LRWD1: variants seen among roughly 807,000 people sequenced by gnomAD.
The protein encoded by LRWD1 is leucine rich repeats and WD repeat domain containing 1.
In LRWD1, 76 loss-of-function variants were observed where a neutral mutation model predicts 75.6. That is an observed-to-expected ratio of 1.01 (90% CI 0.84 to 1.22). LRWD1 has a LOEUF of 1.22. Among genes scored for constraint, LRWD1 ranks in the 50% most tolerant of loss-of-function variants. The probability of loss-of-function intolerance (pLI) is 0.00; values close to 1 mark genes in which losing one functional copy is unlikely to be tolerated. For synonymous variants in LRWD1, 487 were observed against 377.0 expected (o/e 1.29, Z -3.38); for missense variants, 917 against 862.0 (o/e 1.06, Z -0.80).
Position 102,466,164 on chromosome 7 carries a change from ACCTGAAAGTCT to A in LRWD1, c.330_340del (p.Lys111SerfsTer7). ...CCCTCTCTTCCCCAGGTCAATGACA[ACCTGAAAGTCT>A]CCTTTCTCCTGCCCACGCTCCGTAA... On this transcript the variant is annotated frameshift_variant, in exon 3 of 15. Coordinates refer to ENST00000292616, the MANE Select transcript of LRWD1 (RefSeq NM_152892.3). LOFTEE classifies it high-confidence loss of function. The A allele has an allele frequency of 6.2e-7, 1 of 1,614,158 alleles. No homozygotes were observed. Among genetic ancestry groups the A allele is most frequent in the Non-Finnish European group, 8.5e-7 (1 of 1,180,012 alleles).
At chr7:102,469,462 C>T in intron 9 of LRWD1, 112 bp from the exon 10 acceptor site, 1 of 1,260,624 alleles carries the variant, frequency 7.9e-7, no homozygotes, top group Non-Finnish European at 1.1e-6. Flanking sequence ...GCCCGCCCTC[C>T]CCGCCTCGGA....
chr7:102,472,447 C>A lies in LRWD1; in HGVS notation c.1535-7C>A. ...CACCCTGCACAGCTCTCCCTTCTCCCCCACAGCCTCCAAGGGGAGCGGCCT... is the reference window on the plus strand; with the variant it reads ...CACCCTGCACAGCTCTCCCTTCTCCACCACAGCCTCCAAGGGGAGCGGCCT... On this transcript the variant is annotated splice_region_variant and splice_polypyrimidine_tract_variant and intron_variant, in intron 12 of 14. Coordinates refer to ENST00000292616, the MANE Select transcript of LRWD1 (RefSeq NM_152892.3). 6.5e-7 allele frequency: 1 copy of A among 1,536,044 alleles called. No homozygotes were observed. Among genetic ancestry groups the A allele is most frequent in the Non-Finnish European group, 8.8e-7 (1 of 1,138,190 alleles).
At position 102,469,551 on chromosome 7, in the gene LRWD1, C is replaced by G. The variant is rs769908005; in HGVS notation, c.1229-23C>G. The G allele has an allele frequency of 8.1e-6, 13 of 1,613,578 alleles. No homozygotes were observed. In the African/African-American group the frequency reaches 1.1e-4, roughly 13 times the overall value. ...GCAGGGTCATCTCAGGGCCACTTCT[C>G]CCCTACCCCACCCCCTCTTCAGCGG... On this transcript the variant is annotated intron_variant, in intron 9 of 14. Coordinates refer to ENST00000292616, the MANE Select transcript of LRWD1 (RefSeq NM_152892.3).
At position 102,467,496 on chromosome 7, in the gene LRWD1, A is replaced by G. The variant is rs371118705; in HGVS notation, c.573+17A>G. On this transcript the variant is annotated intron_variant, in intron 4 of 14. Coordinates refer to ENST00000292616, the MANE Select transcript of LRWD1 (RefSeq NM_152892.3). ...CAGTGGCGGGTATGTCCCTGTCCCA[A>G]TGTGCAGGGAGTCACTGGCTCTCGT... 150 of 1,610,976 alleles carry G rather than the reference A, an allele frequency of 9.3e-5. No individual in the cohort carries two copies. In the African/African-American group the frequency reaches 1.7e-3, roughly 18 times the overall value.
In LRWD1 at chr7:102,473,017, T is replaced by G. The variant is rs760386246; in HGVS notation, c.1912T>G (p.Ser638Ala). 62 of 1,613,596 alleles carry G rather than the reference T, an allele frequency of 3.8e-5. 2 individuals are homozygous for G. In the South Asian group the frequency reaches 6.4e-4, roughly 17 times the overall value. The change falls in exon 15 of 15, where the codon TCC (serine) becomes GCC (alanine). Residue 638 changes from serine (S) to alanine (A), a missense_variant. Coordinates refer to ENST00000292616, the MANE Select transcript of LRWD1 (RefSeq NM_152892.3). Reference sequence around the variant, plus strand: ...CACCTACCTCACCGCCCTGACGGACTCCAACATCGTAGCCATCTGGGGGAG... The same window carrying G: ...CACCTACCTCACCGCCCTGACGGACGCCAACATCGTAGCCATCTGGGGGAG... Reference protein sequence around the residue: ...SFTYLTALTDSNIVAIWGRM With the variant: ...SFTYLTALTDANIVAIWGRM
chr7:102,468,821 G>A, intron 8 of LRWD1, 34 bp from the exon 9 acceptor site: 2 of 1,601,856 alleles, frequency 1.2e-6, no homozygotes, highest in South Asian at 2.2e-5. Context: ...CAATAGCTCT[G>A]CCCCAGTGAC....
Position 102,472,579 on chromosome 7 carries a change from T to A in LRWD1, c.1660T>A (p.Leu554Met). The change falls in exon 13 of 15, where the codon TTG becomes ATG. Residue 554 changes from leucine (L) to methionine (M), a missense_variant. Transcript: ENST00000292616. ...GCGGCTGCAATGGTCGTCCACCGAGTTGGCCTACTTCTCGCTCAGCGCCTG... is the reference window on the plus strand; with the variant it reads ...GCGGCTGCAATGGTCGTCCACCGAGATGGCCTACTTCTCGCTCAGCGCCTG... ...LARLQWSSTE[L>M]AYFSLSACPD... The A allele has an allele frequency of 6.2e-7, 1 of 1,608,268 alleles. No homozygotes were observed. The highest frequency in any genetic ancestry group is 8.5e-7 in the Non-Finnish European group (1 of 1,177,636).
chr7:102,468,123 G>T lies in LRWD1; in HGVS notation c.740G>T (p.Arg247Leu). Residue 247 changes from arginine (R) to leucine (L), a missense_variant, in exon 6 of 15, where the codon CGG becomes CTG. Coordinates refer to ENST00000292616, the MANE Select transcript of LRWD1 (RefSeq NM_152892.3). ...DVPLSLSPSKRACASPSAQVE... is the reference protein window; with the variant it reads ...DVPLSLSPSKLACASPSAQVE... The stretch of plus-strand genomic sequence containing the variant: ...CCACTCAGCCTCTCTCCCAGCAAGC[G>T]GGCGTGTGCCTCCCCGTCGGCCCAG... 11 of 1,609,994 alleles carry T rather than the reference G, an allele frequency of 6.8e-6. No individual in the cohort carries two copies. The highest frequency in any genetic ancestry group is 9.3e-6 in the Non-Finnish European group (11 of 1,179,176).
chr7:102,465,639 T>C, intron 1 of LRWD1, 178 bp from the exon 2 acceptor site: 1 of 600,364 alleles, frequency 1.7e-6, no homozygotes, highest in Non-Finnish European at 3.0e-6. Context: ...TGAGCTATGA[T>C]CGCGCCTAGG....
rs1193308240 is a variant in LRWD1 at position 102,472,306 on chromosome 7, G to A, written c.1531G>A (p.Val511Met). The A allele has an allele frequency of 2.0e-5, 31 of 1,571,452 alleles. No homozygotes were observed. Among genetic ancestry groups the A allele is most frequent in the Non-Finnish European group, 2.5e-5 (29 of 1,156,700 alleles). The change falls in exon 12 of 15, where the codon GTG (valine) becomes ATG (methionine). Residue 511 changes from valine (V) to methionine (M), a missense_variant. Physicochemically the swap from Val to Met is conservative, Grantham distance 21. Transcript: ENST00000292616. ...DGLAFVNEDI[V>M]ASKGSGLGTI... is the part of the protein sequence containing the mutation. Reference sequence around the variant, plus strand: ...GCTGGCATTTGTGAATGAGGACATCGTGGGTGAGTGAGCTCAGCTTGTGGG... The same window carrying A: ...GCTGGCATTTGTGAATGAGGACATCATGGGTGAGTGAGCTCAGCTTGTGGG...
chr7:102,469,646 G>A lies in LRWD1; in HGVS notation c.1301G>A (p.Ser434Asn). Residue 434 changes from serine (S) to asparagine (N), a missense_variant and splice_region_variant, in exon 10 of 15, where the codon AGC becomes AAC. Ser to Asn is a conservative substitution (Grantham distance 46, BLOSUM62 1). Transcript: ENST00000292616. The part of the protein sequence containing the change: ...VPNQDYEFQA[S>N]QLLTLDTTSI... ...AACCAGGACTACGAATTCCAGGCCA[G>A]GTGATGCTTCGGGTGAGGCTGGGGA... 6.2e-7 allele frequency: 1 copy of A among 1,614,188 alleles called. No individual in the cohort carries two copies. The highest frequency in any genetic ancestry group is 8.5e-7 in the Non-Finnish European group (1 of 1,180,002).
Position 102,468,984 on chromosome 7 carries a change from T to A in LRWD1, c.1150T>A (p.Cys384Ser). The A allele has an allele frequency of 6.2e-7, 1 of 1,612,684 alleles. No homozygotes were observed. Among genetic ancestry groups the A allele is most frequent in the Non-Finnish European group, 8.5e-7 (1 of 1,179,798 alleles). ...VRLLHVRAGF[C>S]CGVIRAHKKA... is the part of the protein sequence containing the mutation. ...GCTGCTGCACGTGCGTGCCGGCTTC[T>A]GCTGCGGGGTCATCCGAGCCCACAA... Residue 384 changes from cysteine (C) to serine (S), a missense_variant, in exon 9 of 15, where the codon TGC becomes AGC. Transcript: ENST00000292616.
chr7:102,472,687 G>T lies in LRWD1; in HGVS notation c.1691-5G>T. 6.2e-7 allele frequency: 1 copy of T among 1,613,416 alleles called. No individual in the cohort carries two copies. The stretch of plus-strand genomic sequence containing the variant: ...CCCACTCAGACTCCACCTCTGTCCC[G>T]GCAGATAAGGGGATTGTGCTCTGTG... On this transcript the variant is annotated splice_region_variant and splice_polypyrimidine_tract_variant and intron_variant, in intron 13 of 14. Coordinates refer to ENST00000292616, the MANE Select transcript of LRWD1 (RefSeq NM_152892.3).
At chr7:102,467,168 T>TGG (rs1157897255) in intron 3 of LRWD1, among the ~76,000 whole-genome samples, 171 bp from the exon 4 acceptor site, 371 of 18,524 alleles carry the variant, frequency 0.02, 15 homozygotes, top group African/African-American at 0.056. Context: ...GGGGTGTGTG[T>TGG]GGGGTGTGTG....
Position 102,465,811 on chromosome 7 carries a change from C to T in LRWD1, c.81-6C>T. ...CGCCCCCTAAGCCTTCTGCCCCCAA[C>T]TCCAGCCTGTCAGGATTGGAGCTGC... On this transcript the variant is annotated splice_region_variant and splice_polypyrimidine_tract_variant and intron_variant, in intron 1 of 14. Coordinates refer to ENST00000292616, the MANE Select transcript of LRWD1 (RefSeq NM_152892.3). 6.2e-7 allele frequency: 1 copy of T among 1,611,966 alleles called. No individual in the cohort carries two copies. The highest frequency in any genetic ancestry group is 8.5e-7 in the Non-Finnish European group (1 of 1,179,028).
At chr7:102,469,317 C>T (rs1189818134) in intron 9 of LRWD1, among the ~76,000 whole-genome samples, 2 of 152,248 alleles carry the variant, frequency 1.3e-5, no homozygotes, top group African/African-American at 4.8e-5. Flanking sequence ...GGGGGGATGC[C>T]CCTGCCCCCG....
intron 3 of LRWD1, among the ~76,000 whole-genome samples, chr7:102,467,099 GCACCTGGGTTGTTGCTGGGGTGTGTGTGT>G (rs1798010260): frequency 7.2e-6 from 1 of 138,170 alleles, no homozygotes. Flanking sequence ...GTGTGTGTAG[GCACCTGGGTTGTTGCTGGGGTGTGTGTGT>G]GTGTGTGTGT....
At position 102,468,257 on chromosome 7, in the gene LRWD1, C is replaced by T. The variant is rs769670385; in HGVS notation, c.805-6C>T. On this transcript the variant is annotated splice_region_variant and splice_polypyrimidine_tract_variant and intron_variant, in intron 6 of 14. Coordinates refer to ENST00000292616, the MANE Select transcript of LRWD1 (RefSeq NM_152892.3). ...GGGCAGCTGTGACCCTTCTCTCCCCCCACAGCCTGCTGTGAAGCTGGAGCC... is the reference window on the plus strand; with the variant it reads ...GGGCAGCTGTGACCCTTCTCTCCCCTCACAGCCTGCTGTGAAGCTGGAGCC... 6.2e-7 allele frequency: 1 copy of T among 1,605,208 alleles called. No homozygotes were observed. The highest frequency in any genetic ancestry group is 2.2e-5 in the East Asian group (1 of 44,512).
chr7:102,468,109 C>T lies in LRWD1; in HGVS notation c.726C>T (p.Leu242=). 1.2e-6 allele frequency: 2 copies of T among 1,610,654 alleles called. No individual in the cohort carries two copies. The highest frequency in any genetic ancestry group is 8.5e-7 in the Non-Finnish European group (1 of 1,179,500). Residue 242 remains leucine, a synonymous_variant, in exon 6 of 15, where the codon CTC becomes CTT. Transcript: ENST00000292616. ...LKRPDDVPLS[L]SPSKRACASP... ...GGCCAGACGACGTCCCACTCAGCCT[C>T]TCTCCCAGCAAGCGGGCGTGTGCCT...
Sources: gnomAD v4.1 joint callset for allele counts (sites outside exome capture counted in the v4.1 genomes callset) on GRCh38, gnomAD v4.1.1 for gene constraint, MANE v1.5 for transcripts, NCBI Gene and HGNC (gene_info 2026-07-23, HGNC 2026-07-21) for gene names.